The following KIF26B variants were observed in gnomAD, a reference collection of about 807,000 sequenced individuals.
KIF26B encodes kinesin family member 26B, also known as kinesin-like protein KIF26B.
KIF26B carries 63 observed loss-of-function variants against 151.2 expected under a neutral mutation model. The observed-to-expected ratio is 0.42, with a 90% CI of 0.34 to 0.51. The LOEUF (loss-of-function observed/expected upper bound fraction) is 0.51. KIF26B is among the 20% of genes least tolerant of loss of function. KIF26B has a pLI of 0.07. For synonymous variants in KIF26B, 1,357 were observed against 1,262.1 expected (o/e 1.08, Z -1.59); for missense variants, 2,813 against 2,913.6 (o/e 0.97, Z 0.79).
intron 9 of KIF26B, among the ~76,000 whole-genome samples, chr1:245,619,897 G>A (rs985927251): frequency 2.6e-5 from 4 of 151,634 alleles, no homozygotes; most frequent in Non-Finnish European, 5.9e-5. Context: ...TGGGTGACAG[G>A]GCAAGACTCC....
At chr1:245,545,542 A>G (rs1715804) in intron 5 of KIF26B, among the ~76,000 whole-genome samples, 5,740 of 152,292 alleles carry the variant, frequency 0.038, 405 homozygotes, top group African/African-American at 0.13. Flanking sequence ...CAGTCTTAGA[A>G]AGCTCACCAA....
intron 4 of KIF26B, among the ~76,000 whole-genome samples, chr1:245,429,092 C>T (rs935269198): frequency 2.0e-4 from 31 of 152,170 alleles, no homozygotes; most frequent in Admixed American, 4.6e-4. Flanking sequence ...TGACTTGAGG[C>T]AAGTAACTTA....
At chr1:245,458,334 T>G (rs1659582530) in intron 4 of KIF26B, among the ~76,000 whole-genome samples, 1 of 152,132 alleles carries the variant, frequency 6.6e-6, no homozygotes, top group Non-Finnish European at 1.5e-5. Flanking sequence ...GTAAGAAAAC[T>G]CCAACAAACC....
intron 5 of KIF26B, among the ~76,000 whole-genome samples, chr1:245,541,422 C>G (rs1474973254): frequency 6.6e-6 from 1 of 152,230 alleles, no homozygotes; most frequent in Non-Finnish European, 1.5e-5. Flanking sequence ...GCAGTCTTGC[C>G]TTTCTAGCCA....
chr1:245,419,699 A>G lies in KIF26B; in HGVS notation c.1120A>G (p.Ser374Gly), dbSNP rs758558668. The change falls in exon 4 of 15, where the codon AGC becomes GGC. Residue 374 changes from serine (S) to glycine (G), a missense_variant. Physicochemically the swap from Ser to Gly is moderately conservative, Grantham distance 56 (BLOSUM62 0). Transcript: ENST00000407071. ...VPASQGSCVA[S>G]ETSTGTSVAA... is the part of the protein sequence containing the mutation. ...AGCCTCGCAGGGCTCCTGCGTGGCC[A>G]GCGAGACTTCCACAGGCACATCGGT... The G allele has an allele frequency of 1.2e-6, 2 of 1,613,500 alleles. No individual in the cohort carries two copies. Among genetic ancestry groups the G allele is most frequent in the Non-Finnish European group, 1.7e-6 (2 of 1,179,694 alleles).
At chr1:245,303,067 G>T (rs1056228159) in intron 2 of KIF26B, among the ~76,000 whole-genome samples, 1 of 150,440 alleles carries the variant, frequency 6.6e-6, no homozygotes, top group Non-Finnish European at 1.5e-5. Flanking sequence ...AGAATACACC[G>T]GGAAATCTGG....
At chr1:245,199,813 GTCCA>G (rs34903536) in intron 2 of KIF26B, among the ~76,000 whole-genome samples, 2 of 64,350 alleles carry the variant, frequency 3.1e-5, no homozygotes, top group African/African-American at 1.0e-4. Context: ...TCATCCATCT[GTCCA>G]TCCATCCATC....
intron 2 of KIF26B, among the ~76,000 whole-genome samples, chr1:245,343,109 A>G (rs1459565839): frequency 4.6e-5 from 7 of 150,904 alleles, no homozygotes; most frequent in Middle Eastern, 3.4e-3. Flanking sequence ...AAGAATTTAG[A>G]TTAGTGTTTA....
In KIF26B at chr1:245,583,124, A is replaced by C. The variant is rs561530850; in HGVS notation, c.1351-19453A>C. On this transcript the variant is annotated intron_variant, in intron 5 of 14. Transcript: ENST00000407071. ...ACCTTCGATCTAATTTGTCATTATT[A>C]TTTGTAGAGCTTTCTTTCTCTTCCT... is the stretch of plus-strand genomic sequence containing the variant. Among the ~76,000 whole-genome samples, 4 of 152,202 alleles carry C rather than the reference A, an allele frequency of 2.6e-5. No homozygotes were observed. The South Asian group carries it at 8.3e-4, about 32-fold the overall frequency.
At chr1:245,672,963 G>A (rs973505504) in intron 10 of KIF26B, among the ~76,000 whole-genome samples, 4 of 152,066 alleles carry the variant, frequency 2.6e-5, no homozygotes, top group African/African-American at 7.2e-5. Context: ...AACATTAGAG[G>A]GACTCACCTG....
intron 5 of KIF26B, among the ~76,000 whole-genome samples, chr1:245,585,844 C>T (rs2043218741): frequency 6.6e-6 from 1 of 152,138 alleles, no homozygotes; most frequent in Non-Finnish European, 1.5e-5. Context: ...AGCATGCATA[C>T]AGCCGACTCT....
intron 4 of KIF26B, among the ~76,000 whole-genome samples, chr1:245,520,114 TGAGAGAGA>T (rs10650644): frequency 4.2e-4 from 55 of 132,524 alleles, no homozygotes; most frequent in African/African-American, 1.3e-3. Context: ...CTCAACTAAC[TGAGAGAGA>T]GAGAGAGAGA....
Position 245,686,180 on chromosome 1 carries a change from C to T in KIF26B, c.3197C>T (p.Pro1066Leu), listed in dbSNP as rs762124929. The change falls in exon 12 of 15, where the codon CCC (proline) becomes CTC (leucine). Residue 1066 changes from proline (P) to leucine (L), a missense_variant. Pro to Leu is a moderately conservative substitution (Grantham distance 98). Around this residue, in one of 3 missense-constraint regions of KIF26B, gnomAD observed 2,060 missense variants for 2,088.6 expected, o/e 0.99. Coordinates refer to ENST00000407071, the MANE Select transcript of KIF26B (RefSeq NM_018012.4). This position sits in a 1 kb window ranked among gnomAD's most constrained non-coding sequence, Gnocchi z 5.6. The stretch of plus-strand genomic sequence containing the variant: ...GGCAAGCCCAGGCCCATGGGCTCCC[C>T]CCGGCTGGGCATCGCCAGCCTGTCC... ...VEGKPRPMGS[P>L]RLGIASLSKT... The T allele has an allele frequency of 6.2e-7, 1 of 1,612,384 alleles. No individual in the cohort carries two copies. The highest frequency in any genetic ancestry group is 1.3e-5 in the African/African-American group (1 of 75,026).
At chr1:245,670,785 C>A (rs1277359829) in intron 10 of KIF26B, among the ~76,000 whole-genome samples, 1 of 152,106 alleles carries the variant, frequency 6.6e-6, no homozygotes, top group Non-Finnish European at 1.5e-5. Context: ...TACAGACATG[C>A]AATGTGAAAT....
chr1:245,370,509 A>G (rs895947907), intron 3 of KIF26B: 1 of 428,308 alleles, frequency 2.3e-6, no homozygotes, highest in Non-Finnish European at 4.8e-6. Context: ...CCATAGTTTC[A>G]ACACATGCCT....
At chr1:245,594,438 T>C (rs1340369576) in intron 5 of KIF26B, among the ~76,000 whole-genome samples, 3 of 152,192 alleles carry the variant, frequency 2.0e-5, no homozygotes, top group East Asian at 1.9e-4. Flanking sequence ...CCTTTCCCCA[T>C]TGCTTGTTTT....
rs371415042 is a variant in KIF26B, at chr1:245,687,559, G to A, written c.4576G>A (p.Val1526Met). The A allele has an allele frequency of 2.0e-5, 31 of 1,565,710 alleles. No homozygotes were observed. In the East Asian group the frequency reaches 4.1e-4, roughly 21 times the overall value. Residue 1526 changes from valine to methionine, a missense_variant, in exon 12 of 15, where the codon GTG becomes ATG. This residue lies in a region of KIF26B where 2,060 missense variants were observed against 2,088.6 expected (regional missense o/e 0.99). Transcript: ENST00000407071. This position sits in a 1 kb window ranked among gnomAD's most constrained non-coding sequence, Gnocchi z 4.9. ...GCCCGGTTTGGCCACCCAGAGCCCC[G>A]TGCATCCCAACAAAAGCGTCAAGTC... is the stretch of plus-strand genomic sequence containing the variant. ...ALPGLATQSP[V>M]HPNKSVKSSS...
intron 4 of KIF26B, among the ~76,000 whole-genome samples, chr1:245,470,242 G>A (rs10924202): frequency 0.18 from 27,699 of 151,830 alleles, 2,820 homozygotes; most frequent in East Asian, 0.32. Context: ...GCCTGGTAGT[G>A]CTCGTGTGTT....
rs182126326 is a variant in KIF26B at position 245,640,159 on chromosome 1, A to G, written c.2099-5962A>G. On this transcript the variant is annotated intron_variant, in intron 9 of 14. Coordinates refer to ENST00000407071, the MANE Select transcript of KIF26B (RefSeq NM_018012.4). Reference sequence around the variant, plus strand: ...TCTCTCTCTCTATATATATATATATATACCCTGCTATTTGGTTATATATAT... The same window carrying G: ...TCTCTCTCTCTATATATATATATATGTACCCTGCTATTTGGTTATATATAT... Among the ~76,000 whole-genome samples the G allele has an allele frequency of 5.5e-3, 189 of 34,346 alleles. 10 individuals are homozygous for G. Among genetic ancestry groups the G allele is most frequent in the African/African-American group, 0.015 (167 of 11,480 alleles). 22.5% of individuals were successfully genotyped at this position (34,346 alleles called of 152,430 possible).
Sources: gnomAD v4.1 joint callset for allele counts (sites outside exome capture counted in the v4.1 genomes callset) on GRCh38, gnomAD v4.1.1 for gene constraint, gnomAD v4.1.1 regional missense constraint, Gnocchi (gnomAD v3.1) non-coding constraint, MANE v1.5 for transcripts, NCBI Gene and HGNC (gene_info 2026-07-23, HGNC 2026-07-21) for gene names.